CAPN5: variants seen among roughly 807,000 people sequenced by gnomAD.
CAPN5 encodes calpain-5.
Under a neutral mutation model 73.0 loss-of-function variants are expected in CAPN5, and 54 were observed. The observed-to-expected ratio is 0.74, with a 90% CI of 0.59 to 0.93. The LOEUF (loss-of-function observed/expected upper bound fraction) is 0.93, where lower values mean the gene tolerates loss of function less well. Among genes scored for constraint, CAPN5 ranks in the 40% least tolerant of loss-of-function variants. The pLI is 0.00. For synonymous variants in CAPN5, 335 were observed against 356.9 expected, an observed-to-expected ratio of 0.94 and a Z score of 0.69; for missense variants, 785 against 882.9, an observed-to-expected ratio of 0.89 and a Z score of 1.41.
intron 4 of CAPN5, among the ~76,000 whole-genome samples, chr11:77,113,784 T>A (rs1361003574): frequency 6.6e-6 from 1 of 152,172 alleles, no homozygotes; most frequent in Non-Finnish European, 1.5e-5. Context: ...AAAAACACAG[T>A]TTCATTGTGG....
chr11:77,082,566 G>A (rs782275386), intron 1 of CAPN5, among the ~76,000 whole-genome samples: 5 of 152,102 alleles, frequency 3.3e-5, no homozygotes, highest in Non-Finnish European at 7.4e-5. Flanking sequence ...TGCAAGGGCC[G>A]GGGCCAGAAG....
intron 5 of CAPN5, 141 bp from the exon 6 acceptor site, chr11:77,115,254 G>A (rs1358255889): frequency 4.6e-6 from 3 of 645,446 alleles, no homozygotes; most frequent in Non-Finnish European, 7.8e-6. Flanking sequence ...TTAAAGCTCT[G>A]TGAACACAGC....
intron 1 of CAPN5, among the ~76,000 whole-genome samples, chr11:77,067,771 T>C (rs1482066928): frequency 6.6e-6 from 1 of 151,802 alleles, no homozygotes; most frequent in African/African-American, 2.4e-5. Flanking sequence ...CTCGGAAGAC[T>C]GGCCTAGGGG....
At chr11:77,087,911 C>T in intron 2 of CAPN5, 1 of 1,535,914 alleles carries the variant, frequency 6.5e-7, no homozygotes, top group Non-Finnish European at 8.7e-7. Context: ...ACCCTTCACC[C>T]ACAGGCTCGC....
At chr11:77,105,241 A>G (rs368820731) in intron 3 of CAPN5, among the ~76,000 whole-genome samples, 10 of 150,238 alleles carry the variant, frequency 6.7e-5, no homozygotes, top group Non-Finnish European at 1.3e-4. Context: ...ATCAGCCCCC[A>G]TCCCTTTCAC....
chr11:77,102,817 T>A (rs1555039081), intron 3 of CAPN5: 3 of 1,541,360 alleles, frequency 1.9e-6, no homozygotes, highest in South Asian at 2.4e-5. Context: ...GTCCTTGGCG[T>A]TGGTGGCAGC....
chr11:77,083,789 C>T (rs1950052365), intron 1 of CAPN5, among the ~76,000 whole-genome samples: 1 of 152,182 alleles, frequency 6.6e-6, no homozygotes. Context: ...TCAGAGAGTT[C>T]ACATGACCAG....
At chr11:77,073,234 T>A in intron 1 of CAPN5, 1 of 653,806 alleles carries the variant, frequency 1.5e-6, no homozygotes, top group Non-Finnish European at 2.4e-6. Context: ...ACCCGAGGCT[T>A]GGCCTGGGGC....
chr11:77,090,824 A>G (rs1369038115), intron 2 of CAPN5, among the ~76,000 whole-genome samples: 1 of 152,198 alleles, frequency 6.6e-6, no homozygotes, highest in African/African-American at 2.4e-5. Flanking sequence ...CCTCTGGGTC[A>G]GAGGATGGGC....
chr11:77,116,849 C>T (rs896446780), intron 7 of CAPN5, among the ~76,000 whole-genome samples: 10 of 152,264 alleles, frequency 6.6e-5, no homozygotes, highest in Non-Finnish European at 1.0e-4. Context: ...AGGAAGAGGA[C>T]GTGGCTCAGA....
intron 1 of CAPN5, among the ~76,000 whole-genome samples, chr11:77,077,139 C>T (rs1034732193): frequency 2.0e-5 from 3 of 152,096 alleles, no homozygotes; most frequent in African/African-American, 4.8e-5. Flanking sequence ...GGCGGATCAC[C>T]TGAGGTCAGG....
intron 1 of CAPN5, among the ~76,000 whole-genome samples, chr11:77,070,716 G>C (rs111938268): frequency 6.6e-6 from 1 of 152,130 alleles, no homozygotes; most frequent in Non-Finnish European, 1.5e-5. Flanking sequence ...TTACAGTTCC[G>C]GAGATGAGAA....
At chr11:77,093,023 T>C (rs1555036769) in intron 2 of CAPN5, among the ~76,000 whole-genome samples, 3 of 152,236 alleles carry the variant, frequency 2.0e-5, no homozygotes, top group Non-Finnish European at 2.9e-5. Flanking sequence ...TTGCTCCACT[T>C]GAGCATTTGC....
In CAPN5 at chr11:77,093,597, ACGTCTGTGTCTGT is replaced by A. The variant is rs1265131174; in HGVS notation, c.166-83_166-71del. 7.4e-4 allele frequency: 571 copies of A among 774,866 alleles called. 8 individuals carry two copies. In the South Asian group the frequency reaches 0.013, roughly 17 times the overall value. The allele number at this position is 774,866 out of a possible 1,614,324, so 48.0% of individuals were successfully genotyped here. A position where few individuals can be genotyped will look rare whatever the true frequency, so the allele number is the denominator to read the frequency against. On this transcript the variant is annotated intron_variant, in intron 2 of 12. Transcript: ENST00000648180. ...ATCACACAGCAAGTCTGTGTCTGTC[ACGTCTGTGTCTGT>A]CATGTCTCCTGCCATGGGGGGCATC...
At chr11:77,121,880 CT>C (rs1488237479) in intron 10 of CAPN5, 53 bp from the exon 11 acceptor site, 2 of 967,026 alleles carry the variant, frequency 2.1e-6, no homozygotes, top group Non-Finnish European at 3.1e-6. Flanking sequence ...CTCTTCACCC[CT>C]GTCTTCCTGG....
chr11:77,079,783 TTG>T (rs147108363), intron 1 of CAPN5, among the ~76,000 whole-genome samples: 1,630 of 148,110 alleles, frequency 0.011, 13 homozygotes, highest in African/African-American at 0.03. Context: ...CTACTTGAGA[TTG>T]TGTGTGTGTG....
At chr11:77,112,514 A>G in intron 3 of CAPN5, 75 bp from the exon 4 acceptor site, 1 of 1,143,660 alleles carries the variant, frequency 8.7e-7, no homozygotes, top group Non-Finnish European at 1.3e-6. Flanking sequence ...CTGGAAGCAC[A>G]CGCCCCCATT....
intron 10 of CAPN5, 140 bp downstream of exon 10, chr11:77,121,049 C>T: frequency 1.4e-6 from 1 of 719,618 alleles, no homozygotes; most frequent in South Asian, 1.9e-5. Flanking sequence ...CATCTCCTTC[C>T]CTTCTCTTCC....
rs1555043591 is a variant in CAPN5, at chr11:77,124,887, C to G, written c.*1017C>G. 6.5e-6 allele frequency: 1 copy of G among 153,098 alleles called. No individual in the cohort carries two copies. Among genetic ancestry groups the G allele is most frequent in the Non-Finnish European group, 1.5e-5 (1 of 68,160 alleles). 9.5% of individuals were successfully genotyped at this position (153,098 alleles called of 1,614,324 possible). Reference sequence around the variant, plus strand: ...GAGCCCCATCACCTGACCACAGCCCCCCACCAACATTCCCCCAAAATGCAG... The same window carrying G: ...GAGCCCCATCACCTGACCACAGCCCGCCACCAACATTCCCCCAAAATGCAG... On this transcript the variant is annotated 3_prime_UTR_variant, in exon 13 of 13. Transcript: ENST00000648180.
Sources: gnomAD v4.1 joint callset for allele counts (sites outside exome capture counted in the v4.1 genomes callset) on GRCh38, gnomAD v4.1.1 for gene constraint, MANE v1.5 for transcripts, NCBI Gene and HGNC (gene_info 2026-07-23, HGNC 2026-07-21) for gene names.